DOCK9: variants seen among roughly 807,000 people sequenced by gnomAD.
DOCK9 encodes the protein dedicator of cytokinesis protein 9.
Under a neutral mutation model 263.3 loss-of-function variants are expected in DOCK9, and 89 were observed. That is an observed-to-expected ratio of 0.34 (90% confidence interval 0.28 to 0.40). The LOEUF (loss-of-function observed/expected upper bound fraction) is 0.40, where lower values mean the gene tolerates loss of function less well. Ranked by LOEUF, DOCK9 falls within the 10% of genes least tolerant of loss-of-function variation. DOCK9 has a pLI of 1.00. For missense variants in DOCK9, 2,140 were observed against 2,603.4 expected, an observed-to-expected ratio of 0.82 and a Z score of 3.87; for synonymous variants, 976 against 973.1, an observed-to-expected ratio of 1.00 and a Z score of -0.06.
chr13:98,810,337 A>C, intron 45 of DOCK9, 46 bp from the exon 46 acceptor site: 1 of 1,605,196 alleles, frequency 6.2e-7, no homozygotes, highest in South Asian at 1.1e-5. Context: ...CGTTATGGGG[A>C]ACGTGACATG....
At chr13:98,919,550 A>G (rs1235342885) in intron 7 of DOCK9, among the ~76,000 whole-genome samples, 1 of 152,244 alleles carries the variant, frequency 6.6e-6, no homozygotes, top group Non-Finnish European at 1.5e-5. Context: ...ATCGAGCTAC[A>G]GGCTGATGTG....
At chr13:98,844,439 C>T (rs2093328528) in intron 38 of DOCK9, among the ~76,000 whole-genome samples, 1 of 152,078 alleles carries the variant, frequency 6.6e-6, no homozygotes, top group African/African-American at 2.4e-5. Context: ...TCTTAGCTCA[C>T]TGCAACCTCA....
upstream of DOCK9, among the ~76,000 whole-genome samples, chr13:98,979,929 G>T (rs1876744614): frequency 6.6e-6 from 1 of 152,182 alleles, no homozygotes; most frequent in African/African-American, 2.4e-5. Context: ...TTTTGAGATG[G>T]TTCAGGAAGT....
chr13:98,852,859 G>A (rs2093611759), intron 35 of DOCK9, among the ~76,000 whole-genome samples: 1 of 152,164 alleles, frequency 6.6e-6, no homozygotes, highest in African/African-American at 2.4e-5. Context: ...AAATGTGGTT[G>A]TCAAACCCTT....
intron 17 of DOCK9, 24 bp downstream of exon 17, chr13:98,888,336 T>A: frequency 3.1e-6 from 5 of 1,608,676 alleles, no homozygotes; most frequent in Non-Finnish European, 4.2e-6. Flanking sequence ...ACATCAAGAA[T>A]GAAACCTCCA....
In DOCK9 at chr13:98,810,214, G is replaced by A; in HGVS notation, c.5208C>T (p.Ile1736=). The change falls in exon 46 of 53, where the codon ATC becomes ATT. Residue 1736 remains isoleucine (I), a synonymous_variant. Transcript: ENST00000682017. ...KAERYELIAD[I]YKLIIPIYEK... is the part of the protein sequence containing the mutation. The stretch of plus-strand genomic sequence containing the variant: ...CATAAATGGGGATGATAAGTTTGTA[G>A]ATGTCGGCGATGAGCTCGTAGCGCT... The A allele has an allele frequency of 6.2e-7, 1 of 1,613,952 alleles. No homozygotes were observed. Among genetic ancestry groups the A allele is most frequent in the Middle Eastern group, 1.6e-4 (1 of 6,062 alleles).
In DOCK9 at chr13:98,800,423, G is replaced by A. The variant is rs201250631; in HGVS notation, c.5781C>T (p.His1927=). ...CCACCTCGATGGGGTTCAGGTCAGT[G>A]TGGTGCTGGTACATGACAGGGATGC... ...KKRIPVMYQH[H]TDLNPIEVAI... Residue 1927 remains histidine, a synonymous_variant, in exon 50 of 53, where the codon CAC becomes CAT. Coordinates refer to ENST00000682017, the MANE Select transcript of DOCK9 (RefSeq NM_001366683.2). 32 of 1,614,036 alleles carry A rather than the reference G, an allele frequency of 2.0e-5. No homozygotes were observed. The Admixed American group carries it at 3.0e-4, about 15-fold the overall frequency.
At chr13:98,927,337 A>G (rs2053131775) in intron 3 of DOCK9, among the ~76,000 whole-genome samples, 1 of 152,198 alleles carries the variant, frequency 6.6e-6, no homozygotes, top group African/African-American at 2.4e-5. Flanking sequence ...AGAATAATCC[A>G]TAGTTTTGGA....
chr13:99,001,462 C>A (rs781204135), intron 1 of DOCK9, among the ~76,000 whole-genome samples: 4 of 152,226 alleles, frequency 2.6e-5, no homozygotes, highest in Non-Finnish European at 5.9e-5. Flanking sequence ...TCATCCCATA[C>A]AAGCCCTTTG....
At chr13:98,896,879 G>A (rs1381689670) in intron 15 of DOCK9, among the ~76,000 whole-genome samples, 6 of 152,172 alleles carry the variant, frequency 3.9e-5, no homozygotes, top group Non-Finnish European at 8.8e-5. Flanking sequence ...TGGAAACAGG[G>A]TCTCTGCAGA....
chr13:99,050,748 GACAAGTCCC>G (rs2040654314), intron 1 of DOCK9, among the ~76,000 whole-genome samples: 2 of 152,054 alleles, frequency 1.3e-5, no homozygotes, highest in Non-Finnish European at 2.9e-5. Context: ...AGACACTAAT[GACAAGTCCC>G]ACAAACTCTC....
chr13:98,903,929 G>A (rs1327212560), intron 10 of DOCK9, among the ~76,000 whole-genome samples: 1 of 152,060 alleles, frequency 6.6e-6, no homozygotes, highest in Admixed American at 6.5e-5. Flanking sequence ...CCTAAAATAG[G>A]CAGGTTCACA....
intron 2 of DOCK9, among the ~76,000 whole-genome samples, chr13:98,931,399 C>T (rs1324151670): frequency 6.6e-6 from 1 of 151,322 alleles, no homozygotes; most frequent in African/African-American, 2.4e-5. Flanking sequence ...CCCGGGTTCA[C>T]GCCATTCTTC....
intron 1 of DOCK9, among the ~76,000 whole-genome samples, chr13:99,021,847 C>G (rs1014810041): frequency 1.3e-5 from 2 of 151,876 alleles, no homozygotes; most frequent in Admixed American, 6.6e-5. Flanking sequence ...AGCATTAGGA[C>G]AAATACCTAA....
intron 25 of DOCK9, 142 bp downstream of exon 25, chr13:98,881,416 A>G: frequency 1.6e-6 from 1 of 629,140 alleles, no homozygotes; most frequent in Admixed American, 3.0e-5. Context: ...ATTCAGGTAC[A>G]AGCATTGGCT....
At chr13:98,939,126 A>G (rs1321178105) in intron 2 of DOCK9, among the ~76,000 whole-genome samples, 2 of 152,246 alleles carry the variant, frequency 1.3e-5, no homozygotes, top group East Asian at 3.8e-4. Context: ...AGGAAAGGGG[A>G]GACCACAGCG....
chr13:98,993,411 G>A (rs1351409858), intron 1 of DOCK9, among the ~76,000 whole-genome samples: 1 of 152,200 alleles, frequency 6.6e-6, no homozygotes, highest in Non-Finnish European at 1.5e-5. Flanking sequence ...TGAGAGGTAG[G>A]AAATTTTTTA....
intron 7 of DOCK9, among the ~76,000 whole-genome samples, chr13:98,918,004 A>G (rs2051188523): frequency 6.6e-6 from 1 of 152,204 alleles, no homozygotes; most frequent in Non-Finnish European, 1.5e-5. Context: ...CCCTGCAGAC[A>G]TCTGATTCTG....
chr13:98,926,885 G>A (rs1436843326), intron 3 of DOCK9, among the ~76,000 whole-genome samples: 4 of 152,220 alleles, frequency 2.6e-5, no homozygotes, highest in Non-Finnish European at 5.9e-5. Flanking sequence ...CATGAACAAC[G>A]TCTCTATTCT....
Sources: gnomAD v4.1 joint callset for allele counts (sites outside exome capture counted in the v4.1 genomes callset) on GRCh38, gnomAD v4.1.1 for gene constraint, MANE v1.5 for transcripts, NCBI Gene and HGNC (gene_info 2026-07-23, HGNC 2026-07-21) for gene names.